Variants in GRM8 observed in about 807,000 individuals in gnomAD.
GRM8 encodes the protein metabotropic glutamate receptor 8.
GRM8 carries 47 observed loss-of-function variants against 87.2 expected under a neutral mutation model. The observed-to-expected ratio is 0.54, with a 90% confidence interval of 0.43 to 0.69. GRM8 has a LOEUF of 0.69. GRM8 is among the 30% of genes least tolerant of loss of function. The pLI, the probability that GRM8 is intolerant of heterozygous loss-of-function variation, is 0.00. For synonymous variants in GRM8, 396 were observed against 404.5 expected (o/e 0.98, Z 0.25); for missense variants, 1,019 against 1,139.2 (o/e 0.89, Z 1.52).
At chr7:126,586,374 C>T (rs1171530549) in intron 8 of GRM8, among the ~76,000 whole-genome samples, 2 of 152,150 alleles carry the variant, frequency 1.3e-5, no homozygotes, top group East Asian at 1.9e-4. Flanking sequence ...ATTGCCAAGA[C>T]AATCCTAAGC....
intron 7 of GRM8, among the ~76,000 whole-genome samples, chr7:126,639,275 G>A (rs1370491216): frequency 6.6e-6 from 1 of 152,078 alleles, no homozygotes; most frequent in Admixed American, 6.6e-5. Flanking sequence ...GTACATATGA[G>A]GTCACAAATT....
chr7:127,244,572 G>A (rs1173860154), intron 1 of GRM8, among the ~76,000 whole-genome samples: 1 of 152,168 alleles, frequency 6.6e-6, no homozygotes, highest in Non-Finnish European at 1.5e-5. Flanking sequence ...ACTTTGGCAG[G>A]ATGGTTAATC....
At chr7:126,645,784 G>C (rs942525094) in intron 7 of GRM8, among the ~76,000 whole-genome samples, 4 of 152,092 alleles carry the variant, frequency 2.6e-5, no homozygotes, top group Admixed American at 6.6e-5. Flanking sequence ...AACACTGCCT[G>C]GGAATCTCAC....
chr7:126,637,441 T>A (rs534974458), intron 7 of GRM8, among the ~76,000 whole-genome samples: 23 of 152,174 alleles, frequency 1.5e-4, no homozygotes, highest in African/African-American at 5.5e-4. Context: ...TAAAATGACA[T>A]ATTCTGTTAT....
intron 9 of GRM8, among the ~76,000 whole-genome samples, chr7:126,524,131 A>G (rs1813466949): frequency 6.6e-6 from 1 of 152,196 alleles, no homozygotes; most frequent in Non-Finnish European, 1.5e-5. Flanking sequence ...TTGTGAATAT[A>G]TTAACCACCA....
chr7:126,587,387 T>C (rs1322519700), intron 8 of GRM8, among the ~76,000 whole-genome samples: 3 of 152,218 alleles, frequency 2.0e-5, no homozygotes, highest in African/African-American at 7.2e-5. Context: ...CGTATGTTTA[T>C]TGCGGCACTA....
chr7:127,166,161 A>C (rs1793439345), intron 2 of GRM8, among the ~76,000 whole-genome samples: 1 of 152,180 alleles, frequency 6.6e-6, no homozygotes, highest in East Asian at 1.9e-4. Flanking sequence ...GCTATATAAA[A>C]TAATACAGGA....
chr7:127,207,666 C>G (rs377573326), intron 2 of GRM8, among the ~76,000 whole-genome samples: 24 of 152,270 alleles, frequency 1.6e-4, no homozygotes, highest in South Asian at 1.0e-3. Context: ...TAAGGGGACC[C>G]CAGAGAAACC....
chr7:126,712,836 G>T (rs911608451), intron 7 of GRM8, among the ~76,000 whole-genome samples: 1 of 151,954 alleles, frequency 6.6e-6, no homozygotes, highest in African/African-American at 2.4e-5. Flanking sequence ...AGAAACATGT[G>T]GGAAAAAAAA....
chr7:126,954,015 C>T (rs17869208), intron 3 of GRM8, among the ~76,000 whole-genome samples: 7,157 of 152,152 alleles, frequency 0.047, 566 homozygotes, highest in African/African-American at 0.16. Context: ...TTCTACCAAA[C>T]GAGATGCCAT....
intron 2 of GRM8, among the ~76,000 whole-genome samples, chr7:127,200,153 A>T (rs1211663237): frequency 6.6e-6 from 1 of 152,174 alleles, no homozygotes; most frequent in Non-Finnish European, 1.5e-5. Context: ...AAGTTTCCTC[A>T]GGCTCATCCC....
At chr7:126,638,912 A>T (rs1457977505) in intron 7 of GRM8, among the ~76,000 whole-genome samples, 1 of 151,880 alleles carries the variant, frequency 6.6e-6, no homozygotes, top group Non-Finnish European at 1.5e-5. Context: ...CCTTCTGGGC[A>T]CCCCACTGCC....
intron 8 of GRM8, among the ~76,000 whole-genome samples, chr7:126,536,113 C>T (rs1006772068): frequency 6.6e-6 from 1 of 152,176 alleles, no homozygotes; most frequent in Non-Finnish European, 1.5e-5. Context: ...TACTTGGTGG[C>T]CACTTTCATT....
At chr7:127,024,563 A>G (rs1816587377) in intron 3 of GRM8, among the ~76,000 whole-genome samples, 1 of 152,028 alleles carries the variant, frequency 6.6e-6, no homozygotes, top group Non-Finnish European at 1.5e-5. Context: ...TCTAACACAC[A>G]AGAGACGACA....
intron 2 of GRM8, among the ~76,000 whole-genome samples, chr7:127,224,752 T>C (rs925044943): frequency 4.6e-5 from 7 of 152,252 alleles, no homozygotes; most frequent in Non-Finnish European, 1.0e-4. Context: ...AATCATATAA[T>C]TGGAAGGGTA....
intron 7 of GRM8, among the ~76,000 whole-genome samples, chr7:126,722,227 TAC>T (rs951122382): frequency 7.2e-5 from 11 of 152,180 alleles, no homozygotes; most frequent in African/African-American, 2.7e-4. Context: ...ATTTTCTCTC[TAC>T]AGAGTGCCCT....
intron 8 of GRM8, among the ~76,000 whole-genome samples, chr7:126,537,420 C>T (rs1272051144): frequency 1.3e-5 from 2 of 152,142 alleles, no homozygotes; most frequent in Non-Finnish European, 2.9e-5. Context: ...AAGGATCTTA[C>T]AAATACAGTA....
chr7:127,177,425 G>GA (rs1378498997), intron 2 of GRM8, among the ~76,000 whole-genome samples: 1 of 152,202 alleles, frequency 6.6e-6, no homozygotes, highest in African/African-American at 2.4e-5. Flanking sequence ...CCTGGAAACA[G>GA]AAGACAAAGG....
At chr7:127,145,821 G>C (rs958409584) in intron 2 of GRM8, among the ~76,000 whole-genome samples, 3 of 151,948 alleles carry the variant, frequency 2.0e-5, no homozygotes, top group Admixed American at 6.6e-5. Flanking sequence ...TTTGTCTTTT[G>C]TTTTCTATAT....
Sources: allele counts gnomAD v4.1 joint callset (sites outside exome capture counted in the v4.1 genomes callset), GRCh38; gene constraint gnomAD v4.1.1; transcripts MANE v1.5; gene names NCBI Gene and HGNC (gene_info 2026-07-23, HGNC 2026-07-21).